The following CNTNAP2 variants were observed in gnomAD, a reference collection of about 807,000 sequenced individuals.
CNTNAP2 encodes the protein contactin associated protein 2.
CNTNAP2 carries 98 observed loss-of-function variants against 155.2 expected under a neutral mutation model. That is an observed-to-expected ratio of 0.63 (90% CI 0.54 to 0.75). The LOEUF (loss-of-function observed/expected upper bound fraction) is 0.75, where lower values mean the gene tolerates loss of function less well. Among genes scored for constraint, CNTNAP2 ranks in the 30% least tolerant of loss-of-function variants. The probability of loss-of-function intolerance (pLI) is 0.00; values close to 1 mark genes in which losing one functional copy is unlikely to be tolerated. For synonymous variants in CNTNAP2, 651 were observed against 631.2 expected (o/e 1.03, Z -0.47); for missense variants, 1,727 against 1,688.1 (o/e 1.02, Z -0.40).
chr7:147,072,535 C>T (rs1284973054), intron 4 of CNTNAP2, among the ~76,000 whole-genome samples: 5 of 152,126 alleles, frequency 3.3e-5, no homozygotes, highest in Non-Finnish European at 7.3e-5. Flanking sequence ...ACTGCAGTGC[C>T]AGGGTGAGAC....
chr7:147,588,177 A>G (rs890093878), intron 12 of CNTNAP2, among the ~76,000 whole-genome samples: 3 of 76,078 alleles, frequency 3.9e-5, no homozygotes, highest in African/African-American at 2.6e-4. Flanking sequence ...TGTAAAAGAG[A>G]AAGAGAGATG....
intron 10 of CNTNAP2, among the ~76,000 whole-genome samples, chr7:147,464,822 A>T (rs1798087911): frequency 6.6e-6 from 1 of 152,218 alleles, no homozygotes; most frequent in Admixed American, 6.5e-5. Flanking sequence ...AAAAATAAAA[A>T]GATCTTCAAC....
chr7:147,787,296 G>T (rs1043986830), intron 13 of CNTNAP2, among the ~76,000 whole-genome samples: 1 of 152,132 alleles, frequency 6.6e-6, no homozygotes, highest in Non-Finnish European at 1.5e-5. Flanking sequence ...GGTATGATGT[G>T]GGTGCTTCAG....
chr7:148,294,997 A>C (rs913003799), intron 21 of CNTNAP2, among the ~76,000 whole-genome samples: 12 of 152,206 alleles, frequency 7.9e-5, no homozygotes, highest in African/African-American at 2.9e-4. Context: ...CCATTTGTCT[A>C]AGGTCTTAAA....
chr7:146,423,592 C>A (rs186842743), intron 1 of CNTNAP2, among the ~76,000 whole-genome samples: 22 of 152,266 alleles, frequency 1.4e-4, no homozygotes, highest in Middle Eastern at 6.8e-3. Flanking sequence ...TTCTGCTCCC[C>A]AAAGGGGAAA....
At chr7:146,424,590 T>C (rs1457146144) in intron 1 of CNTNAP2, among the ~76,000 whole-genome samples, 3 of 151,222 alleles carry the variant, frequency 2.0e-5, no homozygotes, top group Non-Finnish European at 4.4e-5. Flanking sequence ...ATAAATTATT[T>C]AGTTTTTACA....
chr7:148,241,023 A>C (rs1401067858), intron 20 of CNTNAP2, among the ~76,000 whole-genome samples: 2 of 152,170 alleles, frequency 1.3e-5, no homozygotes, highest in African/African-American at 4.8e-5. Context: ...CTCCTCTGGC[A>C]ACACCCTCAC....
At chr7:148,414,493 C>A in intron 23 of CNTNAP2, among the ~76,000 whole-genome samples, 1 of 76,330 alleles carries the variant, frequency 1.3e-5, no homozygotes, top group Non-Finnish European at 2.8e-5. Flanking sequence ...ATTGTACTGT[C>A]CTCATCTGCT....
intron 13 of CNTNAP2, among the ~76,000 whole-genome samples, chr7:147,815,953 A>T (rs1424223680): frequency 2.0e-5 from 3 of 152,116 alleles, no homozygotes; most frequent in African/African-American, 7.2e-5. Flanking sequence ...CACCCCAGAT[A>T]TCCTTTCCTT....
At chr7:146,542,033 T>G (rs1797960933) in intron 1 of CNTNAP2, among the ~76,000 whole-genome samples, 1 of 151,880 alleles carries the variant, frequency 6.6e-6, no homozygotes, top group Non-Finnish European at 1.5e-5. Context: ...TTCAGGAAAC[T>G]CAAGTCCTTA....
At chr7:147,084,103 CATAT>C (rs1800215282) in intron 4 of CNTNAP2, among the ~76,000 whole-genome samples, 1 of 22,578 alleles carries the variant, frequency 4.4e-5, no homozygotes, top group African/African-American at 2.1e-4. Context: ...ATATATAATA[CATAT>C]ATGCATAATG....
intron 1 of CNTNAP2, among the ~76,000 whole-genome samples, chr7:146,525,110 G>T (rs186060801): frequency 4.6e-5 from 7 of 151,836 alleles, no homozygotes; most frequent in Admixed American, 4.6e-4. Flanking sequence ...AAAAAAAAAC[G>T]GAATAAGTTG....
At chr7:147,765,394 G>T (rs1318456179) in intron 13 of CNTNAP2, among the ~76,000 whole-genome samples, 1 of 152,110 alleles carries the variant, frequency 6.6e-6, no homozygotes, top group Non-Finnish European at 1.5e-5. Flanking sequence ...TAATCATTGG[G>T]CAAGAGAATG....
At chr7:146,770,241 T>TTGTA (rs1802268590) in intron 1 of CNTNAP2, among the ~76,000 whole-genome samples, 1 of 151,950 alleles carries the variant, frequency 6.6e-6, no homozygotes, top group Non-Finnish European at 1.5e-5. Flanking sequence ...TGCCATATCT[T>TTGTA]TGTATGTATG....
intron 10 of CNTNAP2, among the ~76,000 whole-genome samples, chr7:147,444,591 AT>A (rs1266733585): frequency 6.7e-6 from 1 of 150,144 alleles, no homozygotes; most frequent in Admixed American, 6.6e-5. Flanking sequence ...AAACCACTAA[AT>A]TTTATTTTTT....
At chr7:146,902,257 C>T (rs1796019510) in intron 3 of CNTNAP2, among the ~76,000 whole-genome samples, 1 of 152,060 alleles carries the variant, frequency 6.6e-6, no homozygotes, top group African/African-American at 2.4e-5. Flanking sequence ...TTGTGGCTTT[C>T]ATCATATGCT....
chr7:148,260,731 G>C (rs757739544), intron 20 of CNTNAP2, among the ~76,000 whole-genome samples: 1 of 152,156 alleles, frequency 6.6e-6, no homozygotes, highest in Non-Finnish European at 1.5e-5. Context: ...GTGTCTGACC[G>C]TAATGGAGGC....
At chr7:148,058,800 C>G (rs527952233) in intron 15 of CNTNAP2, among the ~76,000 whole-genome samples, 2 of 152,048 alleles carry the variant, frequency 1.3e-5, no homozygotes, top group Admixed American at 1.3e-4. Flanking sequence ...TTGTTTTTAG[C>G]GTTGTATGCC....
At chr7:147,318,862 C>T (rs1795288173) in intron 9 of CNTNAP2, among the ~76,000 whole-genome samples, 1 of 151,846 alleles carries the variant, frequency 6.6e-6, no homozygotes, top group Admixed American at 6.6e-5. Context: ...TTTAAATTTT[C>T]AAAACAGGAG....
Sources: gnomAD v4.1 joint callset for allele counts (sites outside exome capture counted in the v4.1 genomes callset) on GRCh38, gnomAD v4.1.1 for gene constraint, MANE v1.5 for transcripts, NCBI Gene and HGNC (gene_info 2026-07-23, HGNC 2026-07-21) for gene names.